The following ECT2L variants were observed in gnomAD, a reference collection of about 807,000 sequenced individuals.
The protein encoded by ECT2L is epithelial cell transforming 2 like.
A neutral mutation model predicts 122.8 loss-of-function variants in ECT2L; 126 were observed. That is an observed-to-expected ratio of 1.03 (90% CI 0.89 to 1.19). The LOEUF is 1.19. ECT2L is among the 50% of genes most tolerant of loss of function. The pLI, the probability that ECT2L is intolerant of heterozygous loss-of-function variation, is 0.00. For missense variants in ECT2L, 1,012 were observed against 1,064.1 expected (o/e 0.95, Z 0.68); for synonymous variants, 385 against 381.8 (o/e 1.01, Z -0.10).
At chr6:138,831,791 A>T (rs1211954053) in intron 4 of ECT2L, among the ~76,000 whole-genome samples, 1 of 152,352 alleles carries the variant, frequency 6.6e-6, no homozygotes, top group South Asian at 2.1e-4. Flanking sequence ...TTAATAAGTG[A>T]ATCCGTGAAC....
At position 138,846,525 on chromosome 6, in the gene ECT2L, CT is replaced by C. The variant is rs768866042; in HGVS notation, c.765-10del. 2.5e-5 allele frequency: 39 copies of C among 1,565,904 alleles called. No homozygotes were observed. Among genetic ancestry groups the C allele is most frequent in the Non-Finnish European group, 3.3e-5 (38 of 1,160,690 alleles). On this transcript the variant is annotated splice_polypyrimidine_tract_variant and intron_variant, in intron 7 of 21. Coordinates refer to ENST00000541398, the MANE Select transcript of ECT2L (RefSeq NM_001077706.3). ...AGAAAATGAAAACTTCTCATATTTC[CT>C]TTTACTCCATAGAAGCAATATTTCT... is the stretch of plus-strand genomic sequence containing the variant.
At position 138,865,087 on chromosome 6, in the gene ECT2L, A is replaced by C; in HGVS notation, c.1383A>C (p.Thr461=). ...ESKLQTWSSF[T]DFLEETLKTV... ...AGCTACAGACGTGGTCCAGCTTCACAGACTTCCTAGAAGAAACCTTGAAAA... is the reference window on the plus strand; with the variant it reads ...AGCTACAGACGTGGTCCAGCTTCACCGACTTCCTAGAAGAAACCTTGAAAA... Residue 461 remains threonine, a synonymous_variant, in exon 12 of 22, where the codon ACA becomes ACC. Coordinates refer to ENST00000541398, the MANE Select transcript of ECT2L (RefSeq NM_001077706.3). 6.2e-7 allele frequency: 1 copy of C among 1,614,102 alleles called. No homozygotes were observed. Among genetic ancestry groups the C allele is most frequent in the Non-Finnish European group, 8.5e-7 (1 of 1,179,986 alleles).
At position 138,873,832 on chromosome 6, in the gene ECT2L, G is replaced by C. The variant is rs141986746; in HGVS notation, c.1579-2640G>C. ...AAAACAAAAAAAACAAACCCTCCCA[G>C]AGAGGCTTGTGTAATACGGATTATC... On this transcript the variant is annotated intron_variant, in intron 13 of 21. Transcript: ENST00000541398. Among the ~76,000 whole-genome samples, 119 of 150,952 alleles carry C rather than the reference G, an allele frequency of 7.9e-4. 2 individuals are homozygous for C. In the East Asian group the frequency reaches 0.02, roughly 26 times the overall value.
chr6:138,877,745 G>A (rs1778501565), intron 14 of ECT2L, among the ~76,000 whole-genome samples: 1 of 151,956 alleles, frequency 6.6e-6, no homozygotes, highest in South Asian at 2.1e-4. Context: ...ACCAGCCTGG[G>A]CAACATAGAA....
rs1779171054 is a variant in ECT2L at position 138,895,303 on chromosome 6, CTT to C, written c.2415-5643_2415-5642del. ...GTACCAACTCATATAAGGCTTTACT[CTT>C]TACCATATATGTTAGCTTCTCTCAT... On this transcript the variant is annotated intron_variant, in intron 20 of 21. Coordinates refer to ENST00000541398, the MANE Select transcript of ECT2L (RefSeq NM_001077706.3). Among the ~76,000 whole-genome samples the C allele has an allele frequency of 2.6e-5, 4 of 152,108 alleles. No individual in the cohort carries two copies. In the South Asian group the frequency reaches 8.3e-4, roughly 32 times the overall value.
chr6:138,852,150 C>A (rs894487523), intron 9 of ECT2L, among the ~76,000 whole-genome samples: 1 of 152,166 alleles, frequency 6.6e-6, no homozygotes, highest in Non-Finnish European at 1.5e-5. Context: ...CGTGGTGGCA[C>A]ACACCTCTGT....
chr6:138,804,313 C>T lies in ECT2L; in HGVS notation c.-244+8121C>T, dbSNP rs187833266. On this transcript the variant is annotated intron_variant, in intron 1 of 21. Transcript: ENST00000541398. ...CTTTTCTTTTATAAAACAGATATTCCGTTTTCTATAAATGAAACAATCCAC... is the reference window on the plus strand; with the variant it reads ...CTTTTCTTTTATAAAACAGATATTCTGTTTTCTATAAATGAAACAATCCAC... Among the ~76,000 whole-genome samples the T allele has an allele frequency of 5.6e-4, 85 of 152,200 alleles. No individual in the cohort carries two copies. The East Asian group carries it at 7.1e-3, about 13-fold the overall frequency.
At chr6:138,858,732 G>T (rs9885723) in intron 10 of ECT2L, among the ~76,000 whole-genome samples, 1 of 104,466 alleles carries the variant, frequency 9.6e-6, no homozygotes, top group African/African-American at 3.7e-5. Flanking sequence ...TTTGAGACAG[G>T]GTCTGCTTTG....
chr6:138,877,485 A>G (rs572120344), intron 14 of ECT2L, among the ~76,000 whole-genome samples: 1 of 152,398 alleles, frequency 6.6e-6, no homozygotes, highest in East Asian at 1.9e-4. Flanking sequence ...TAAATGTTGG[A>G]TAACTCCAAT....
In ECT2L at chr6:138,814,853, C is replaced by A. The variant is rs9376372; in HGVS notation, c.179+250C>A. On this transcript the variant is annotated intron_variant, in intron 4 of 21. Transcript: ENST00000541398. ...CATGTTGGCAAAAACACAATGGCTT[C>A]AGTCAGTGAATTTTTAACATTCTCT... 0.39 allele frequency among the ~76,000 whole-genome samples: 60,015 copies of A among 151,990 alleles called. 12,251 individuals carry two copies. Among genetic ancestry groups the A allele is most frequent in the South Asian group, 0.6 (2,905 of 4,822 alleles).
At chr6:138,824,235 G>A (rs1379956650) in intron 4 of ECT2L, among the ~76,000 whole-genome samples, 1 of 150,998 alleles carries the variant, frequency 6.6e-6, no homozygotes, top group East Asian at 1.9e-4. Context: ...CTGGGTGAAG[G>A]GTACCCAGGA....
rs73559469 is a variant in ECT2L at position 138,900,975 on chromosome 6, C to T, written c.2442C>T (p.Ser814=). ...LRLYEHIHDL[S]LFLFNDALLV... Reference sequence around the variant, plus strand: ...TCTATGAACACATCCATGATCTCAGCCTTTTCCTCTTCAATGATGCCCTGC... The same window carrying T: ...TCTATGAACACATCCATGATCTCAGTCTTTTCCTCTTCAATGATGCCCTGC... The change falls in exon 21 of 22, where the codon AGC becomes AGT. Residue 814 remains serine, a synonymous_variant. Transcript: ENST00000541398. The T allele has an allele frequency of 8.4e-4, 1,358 of 1,614,132 alleles. 8 individuals carry two copies. The African/African-American group carries it at 0.016, about 18-fold the overall frequency.
intron 10 of ECT2L, among the ~76,000 whole-genome samples, chr6:138,861,277 G>C (rs146704509): frequency 0.011 from 1,622 of 152,132 alleles, 23 homozygotes; most frequent in Non-Finnish European, 0.019. Context: ...TGGTATTTCT[G>C]GTTCTAGATC....
intron 19 of ECT2L, among the ~76,000 whole-genome samples, chr6:138,887,352 G>A (rs1306410107): frequency 1.3e-5 from 2 of 151,420 alleles, no homozygotes; most frequent in Non-Finnish European, 2.9e-5. Flanking sequence ...CCAGCCTCCC[G>A]AGTAGCTGGG....
chr6:138,812,527 G>A (rs1363340669), intron 1 of ECT2L, among the ~76,000 whole-genome samples: 2 of 152,238 alleles, frequency 1.3e-5, no homozygotes, highest in Non-Finnish European at 2.9e-5. Context: ...CTTTCAGACA[G>A]ATGCAGTGGC....
intron 10 of ECT2L, among the ~76,000 whole-genome samples, chr6:138,857,983 C>T (rs1777678620): frequency 6.6e-6 from 1 of 152,050 alleles, no homozygotes; most frequent in South Asian, 2.1e-4. Flanking sequence ...AGAGGAAGCC[C>T]CTTATAAAAC....
chr6:138,881,600 C>T (rs1397800008), intron 15 of ECT2L, among the ~76,000 whole-genome samples: 1 of 151,362 alleles, frequency 6.6e-6, no homozygotes, highest in Non-Finnish European at 1.5e-5. Context: ...TAATGTAAAC[C>T]AGTGGGAGCC....
chr6:138,813,633 A>C (rs1413830982), intron 3 of ECT2L, among the ~76,000 whole-genome samples: 1 of 152,154 alleles, frequency 6.6e-6, no homozygotes, highest in Non-Finnish European at 1.5e-5. Context: ...AGGAGGTGAG[A>C]AGGTGATTTT....
intron 20 of ECT2L, among the ~76,000 whole-genome samples, chr6:138,900,500 C>T (rs1779362542): frequency 1.3e-5 from 2 of 152,162 alleles, no homozygotes; most frequent in Non-Finnish European, 2.9e-5. Context: ...CCTGCCTTGG[C>T]CTCCAAAGTG....
Sources: allele counts gnomAD v4.1 joint callset (sites outside exome capture counted in the v4.1 genomes callset), GRCh38; gene constraint gnomAD v4.1.1; transcripts MANE v1.5; gene names NCBI Gene and HGNC (gene_info 2026-07-23, HGNC 2026-07-21).